Variants in EDARADD observed in about 807,000 individuals in gnomAD.
EDARADD encodes EDAR associated via death domain.
EDARADD carries 20 observed loss-of-function variants against 25.6 expected under a neutral mutation model. That is an observed-to-expected ratio of 0.78 (90% confidence interval 0.55 to 1.14). EDARADD has a LOEUF of 1.14. Ranked by LOEUF, EDARADD falls within the 50% of genes most tolerant of loss-of-function variation. The pLI is 0.00. For missense variants in EDARADD, 225 were observed against 270.1 expected (o/e 0.83, Z 1.17); for synonymous variants, 86 against 94.4 (o/e 0.91, Z 0.52).
At chr1:236,428,152 A>G (rs1163407372) in intron 4 of EDARADD, among the ~76,000 whole-genome samples, 1 of 151,986 alleles carries the variant, frequency 6.6e-6, no homozygotes, top group African/African-American at 2.4e-5. Flanking sequence ...TGGGTACTTG[A>G]GATTAGGGAG....
chr1:236,377,043 T>C (rs1440936388), intron 3 of EDARADD, among the ~76,000 whole-genome samples: 1 of 151,362 alleles, frequency 6.6e-6, no homozygotes, highest in African/African-American at 2.4e-5. Context: ...TCTTAGAATT[T>C]CCATCTCTCT....
intron 4 of EDARADD, among the ~76,000 whole-genome samples, chr1:236,461,927 G>A (rs891426013): frequency 2.0e-5 from 3 of 152,180 alleles, no homozygotes; most frequent in Non-Finnish European, 4.4e-5. Context: ...GGACCAGTGG[G>A]GGCTGTCAGA....
chr1:236,464,670 C>T (rs1659139727), intron 4 of EDARADD, among the ~76,000 whole-genome samples: 1 of 151,772 alleles, frequency 6.6e-6, no homozygotes, highest in Non-Finnish European at 1.5e-5. Flanking sequence ...TGACCTCGGG[C>T]GATTGGCCCG....
intron 3 of EDARADD, among the ~76,000 whole-genome samples, chr1:236,378,416 T>C (rs1230750694): frequency 6.6e-6 from 1 of 152,166 alleles, no homozygotes; most frequent in African/African-American, 2.4e-5. Context: ...TCAGTTACAG[T>C]TCAGGTTTTC....
intron 3 of EDARADD, among the ~76,000 whole-genome samples, chr1:236,424,409 C>G (rs1257369492): frequency 6.6e-6 from 1 of 152,116 alleles, no homozygotes; most frequent in Admixed American, 6.5e-5. Flanking sequence ...GCAACCCTCC[C>G]ATCTTGGCCT....
At position 236,445,234 on chromosome 1, in the gene EDARADD, C is replaced by CTTTTTTTTTTTT. The variant is rs61333307; in HGVS notation, c.219+17795_219+17796insTTTTTTTTTTTT. On this transcript the variant is annotated intron_variant, in intron 4 of 5. Coordinates refer to ENST00000334232, the MANE Select transcript of EDARADD (RefSeq NM_145861.4). The stretch of plus-strand genomic sequence containing the variant: ...TGCATTAGCTGGGACATAATAAATT[C>CTTTTTTTTTTTT]TTTTTTTTTTTGAGACAGAGTCTTG... 2.2e-5 allele frequency among the ~76,000 whole-genome samples: 2 copies of CTTTTTTTTTTTT among 89,698 alleles called. 1 individual carries two copies. The highest frequency in any genetic ancestry group is 4.8e-5 in the Non-Finnish European group (2 of 41,736). The allele number at this position is 89,698 out of a possible 152,430, so 58.8% of individuals were successfully genotyped here.
At chr1:236,441,594 G>A (rs1413669651) in intron 4 of EDARADD, among the ~76,000 whole-genome samples, 5 of 150,482 alleles carry the variant, frequency 3.3e-5, no homozygotes, top group South Asian at 2.1e-4. Flanking sequence ...TGCGATCTCC[G>A]CTCACTGCAA....
intron 3 of EDARADD, among the ~76,000 whole-genome samples, chr1:236,366,741 C>CTCTTTTTTTTTTTTTTTTTTTTT (rs146073425): frequency 2.1e-5 from 3 of 144,200 alleles, no homozygotes; most frequent in African/African-American, 5.0e-5. Context: ...TCATCTCTCT[C>CTCTTTTTTTTTTTTTTTTTTTTT]TTTTTTTTGT....
chr1:236,453,962 A>G (rs1019728177), intron 4 of EDARADD, among the ~76,000 whole-genome samples: 1 of 151,240 alleles, frequency 6.6e-6, no homozygotes, highest in Non-Finnish European at 1.5e-5. Flanking sequence ...CACCCAATAC[A>G]TAGTGACTAG....
chr1:236,466,350 C>T (rs1176062897), intron 4 of EDARADD, among the ~76,000 whole-genome samples: 2 of 152,084 alleles, frequency 1.3e-5, no homozygotes, highest in East Asian at 3.8e-4. Flanking sequence ...AGAGAGATTT[C>T]TATCCGTTCA....
chr1:236,389,273 C>A (rs941002746), intron 3 of EDARADD, among the ~76,000 whole-genome samples: 3 of 152,246 alleles, frequency 2.0e-5, no homozygotes, highest in African/African-American at 7.2e-5. Flanking sequence ...CACAGCCACA[C>A]TTTTTCACCC....
intron 1 of EDARADD, among the ~76,000 whole-genome samples, chr1:236,400,104 C>G (rs1488990463): frequency 6.6e-6 from 1 of 152,200 alleles, no homozygotes; most frequent in East Asian, 1.9e-4. Context: ...TGTGGTTTTC[C>G]CTTCTCTGCT....
chr1:236,482,542 G>A lies in EDARADD; in HGVS notation c.541G>A (p.Glu181Lys). The A allele has an allele frequency of 6.2e-7, 1 of 1,613,170 alleles. No homozygotes were observed. The highest frequency in any genetic ancestry group is 1.1e-5 in the South Asian group (1 of 91,040). ...NSQRTVGQLM[E>K]LCRLYHRADV... ...TCAGAGGACGGTGGGCCAGCTGATG[G>A]AGCTCTGCAGGCTCTACCACAGGGC... Residue 181 changes from glutamate to lysine, a missense_variant, in exon 6 of 6, where the codon GAG (glutamate) becomes AAG (lysine). Glu to Lys is a moderately conservative substitution (Grantham distance 56, BLOSUM62 1). Coordinates refer to ENST00000334232, the MANE Select transcript of EDARADD (RefSeq NM_145861.4).
At chr1:236,445,271 A>G (rs2103024208) in intron 4 of EDARADD, among the ~76,000 whole-genome samples, 1 of 126,888 alleles carries the variant, frequency 7.9e-6, no homozygotes, top group East Asian at 2.1e-4. Flanking sequence ...TCTGTCACCC[A>G]GGCTGGAGTG....
intron 3 of EDARADD, among the ~76,000 whole-genome samples, chr1:236,364,365 G>A (rs1179319482): frequency 6.6e-6 from 1 of 152,074 alleles, no homozygotes; most frequent in Non-Finnish European, 1.5e-5. Context: ...TGGCAGAGTT[G>A]TTTGCCCACT....
chr1:236,368,651 G>T (rs1667140253), intron 3 of EDARADD, among the ~76,000 whole-genome samples: 1 of 151,846 alleles, frequency 6.6e-6, no homozygotes. Context: ...TGTTGGTCAG[G>T]CTGGTCTCGA....
intron 2 of EDARADD, among the ~76,000 whole-genome samples, chr1:236,411,618 G>A (rs1412853178): frequency 2.0e-5 from 3 of 150,540 alleles, no homozygotes; most frequent in Non-Finnish European, 2.9e-5. Context: ...GCGTGATCTC[G>A]GCTCACTGCA....
At chr1:236,448,740 C>T (rs942505969) in intron 4 of EDARADD, among the ~76,000 whole-genome samples, 2 of 152,160 alleles carry the variant, frequency 1.3e-5, no homozygotes, top group African/African-American at 4.8e-5. Context: ...TGGGAAATGC[C>T]GTCTTCACCT....
rs534405048 is a variant in EDARADD at position 236,366,104 on chromosome 1, A to G, written c.-6+15265A>G. Among the ~76,000 whole-genome samples the G allele has an allele frequency of 3.0e-3, 450 of 152,318 alleles. 2 individuals are homozygous for G. Among genetic ancestry groups the G allele is most frequent in the African/African-American group, 0.01 (436 of 41,574 alleles). On this transcript the variant is annotated intron_variant, in intron 3 of 7. Transcript: ENST00000439430. The stretch of plus-strand genomic sequence containing the variant: ...GTCAGTTCTGGGACAGTTACGATTG[A>G]TTACTCTCTCATTATGGGTCATATT...
Sources: gnomAD v4.1 joint callset for allele counts (sites outside exome capture counted in the v4.1 genomes callset) on GRCh38, gnomAD v4.1.1 for gene constraint, MANE v1.5 for transcripts, NCBI Gene and HGNC (gene_info 2026-07-23, HGNC 2026-07-21) for gene names.